The following ZNF726 variants were observed in gnomAD, a reference collection of about 807,000 sequenced individuals.
The protein encoded by ZNF726 is zinc finger protein 726.
In ZNF726, 15 loss-of-function variants were observed where a neutral mutation model predicts 11.6. That is an observed-to-expected ratio of 1.29 (90% CI 0.86 to 1.99). The LOEUF is 1.99. Ranked by LOEUF, ZNF726 falls within the 30% of genes most tolerant of loss-of-function variation. The probability of loss-of-function intolerance (pLI) is 0.00; values close to 1 mark genes in which losing one functional copy is unlikely to be tolerated. For missense variants in ZNF726, 890 were observed against 725.6 expected (o/e 1.23, Z -2.60); for synonymous variants, 295 against 243.6 (o/e 1.21, Z -1.96).
intron 3 of ZNF726, among the ~76,000 whole-genome samples, chr19:23,931,943 A>G (rs1283514553): frequency 6.6e-6 from 1 of 152,184 alleles, no homozygotes; most frequent in Admixed American, 6.5e-5. Context: ...AAAGCCCCTA[A>G]AAGCCAGAAA....
At chr19:23,942,850 T>A (rs1968360312) in intron 3 of ZNF726, among the ~76,000 whole-genome samples, 1 of 152,222 alleles carries the variant, frequency 6.6e-6, no homozygotes, top group Admixed American at 6.5e-5. Flanking sequence ...GTCCTTATGT[T>A]AAGTGAGTCT....
rs1413941335 is a variant in ZNF726 at position 23,926,408 on chromosome 19, AG to A, written c.227-5934del. Among the ~76,000 whole-genome samples the A allele has an allele frequency of 3.9e-5, 6 of 152,012 alleles. No homozygotes were observed. In the East Asian group the frequency reaches 1.2e-3, roughly 30 times the overall value. On this transcript the variant is annotated intron_variant, in intron 3 of 3. Coordinates refer to ENST00000594466, the MANE Select transcript of ZNF726 (RefSeq NM_001244038.2). ...TCTCTACTAAAAATACAAAAAAATT[AG>A]CTGAGCGTGATGGCGTGCATGTTAA... is the stretch of plus-strand genomic sequence containing the variant.
intron 3 of ZNF726, among the ~76,000 whole-genome samples, chr19:23,922,610 A>G (rs1967880464): frequency 6.6e-6 from 1 of 152,224 alleles, no homozygotes; most frequent in Non-Finnish European, 1.5e-5. Flanking sequence ...AACAGTGGTC[A>G]TGTAGTTTGC....
chr19:23,927,552 C>T lies in ZNF726; in HGVS notation c.227-4791C>T, dbSNP rs942306463. ...TGTCACCCAGGCTGGAGTGTACTGG[C>T]ATGATTTTGGCTCACTGCAGCCTCA... On this transcript the variant is annotated intron_variant, in intron 3 of 3. Transcript: ENST00000594466. Among the ~76,000 whole-genome samples, 4 of 152,240 alleles carry T rather than the reference C, an allele frequency of 2.6e-5. No homozygotes were observed. In the South Asian group the frequency reaches 6.2e-4, roughly 24 times the overall value.
chr19:23,935,514 T>G (rs186651669), downstream of ZNF726: 1 of 410,336 alleles, frequency 2.4e-6, no homozygotes, highest in Non-Finnish European at 4.8e-6. Context: ...TTAACAGATA[T>G]AAGATTATTC....
chr19:23,936,167 G>A (rs1173616559), downstream of ZNF726: 5 of 152,120 alleles, frequency 3.3e-5, no homozygotes, highest in African/African-American at 1.2e-4. Context: ...TATTTTTGCA[G>A]ATGCATTAAA....
chr19:23,917,316 C>T (rs771379751), intron 1 of ZNF726, among the ~76,000 whole-genome samples: 8 of 152,258 alleles, frequency 5.3e-5, no homozygotes, highest in Middle Eastern at 3.4e-3. Flanking sequence ...GAAATATTTA[C>T]AAAGGCCATA....
chr19:23,940,142 G>T (rs904156902), intron 3 of ZNF726, among the ~76,000 whole-genome samples: 1 of 152,034 alleles, frequency 6.6e-6, no homozygotes, highest in Non-Finnish European at 1.5e-5. Flanking sequence ...AATTTTTATA[G>T]TTTCAGGTCT....
At position 23,933,406 on chromosome 19, in the gene ZNF726, C is replaced by T. The variant is rs756960459; in HGVS notation, c.1290C>T (p.Cys430=). 170 of 1,601,786 alleles carry T rather than the reference C, an allele frequency of 1.1e-4. 1 individual carries two copies. The Admixed American group carries it at 1.7e-3, about 16-fold the overall frequency. ...AGAAACCTTACAAGTGTGAAGAATG[C>T]GGCAAAGCGTTTATATGGTCCTCAA... ...TGEKPYKCEE[C]GKAFIWSSNL... Residue 430 remains cysteine, a synonymous_variant, in exon 4 of 4, where the codon TGC becomes TGT. Coordinates refer to ENST00000594466, the MANE Select transcript of ZNF726 (RefSeq NM_001244038.2).
At chr19:23,928,316 T>C (rs1275876398) in intron 3 of ZNF726, 1 of 152,250 alleles carries the variant, frequency 6.6e-6, no homozygotes, top group African/African-American at 2.4e-5. Flanking sequence ...AAATAATTGA[T>C]ACAGTCTATA....
At chr19:23,927,148 G>A (rs1261426199) in intron 3 of ZNF726, among the ~76,000 whole-genome samples, 1 of 151,800 alleles carries the variant, frequency 6.6e-6, no homozygotes, top group East Asian at 1.9e-4. Context: ...TGTATTTTTA[G>A]TAGAGACGGG....
chr19:23,925,731 T>C (rs978891336), intron 3 of ZNF726, among the ~76,000 whole-genome samples: 1 of 148,956 alleles, frequency 6.7e-6, no homozygotes, highest in African/African-American at 2.5e-5. Flanking sequence ...TTTTTTTTTT[T>C]TGGGAGATGA....
chr19:23,943,858 T>C lies in ZNF726; in HGVS notation c.322+269T>C, dbSNP rs1011938102. 1.4e-4 allele frequency: 36 copies of C among 266,644 alleles called. 1 individual carries two copies. Among genetic ancestry groups the C allele is most frequent in the African/African-American group, 7.9e-4 (36 of 45,756 alleles). The allele number at this position is 266,644 out of a possible 1,614,324, so 16.5% of individuals were successfully genotyped here. The stretch of plus-strand genomic sequence containing the variant: ...TTATGGCTTATAAGGTACTGCATGA[T>C]ATACCTGCTCTTCCATTGCTTCGGG... On this transcript the variant is annotated intron_variant, in intron 4 of 4. Transcript: ENST00000334589.
intron 3 of ZNF726, 92 bp downstream of exon 3, chr19:23,920,174 C>A: frequency 3.5e-6 from 3 of 853,930 alleles, no homozygotes; most frequent in South Asian, 1.5e-5. Context: ...AAGCTGCATT[C>A]CAAAGGAAAC....
chr19:23,919,210 C>A, intron 1 of ZNF726, 163 bp from the exon 2 acceptor site: 1 of 1,098,060 alleles, frequency 9.1e-7, no homozygotes, highest in Non-Finnish European at 1.3e-6. Flanking sequence ...TTAGAGAATA[C>A]ATTAGAAAAT....
Position 23,932,603 on chromosome 19 carries a change from T to C in ZNF726, c.487T>C (p.Tyr163His). The change falls in exon 4 of 4, where the codon TAT becomes CAT. Residue 163 changes from tyrosine to histidine, a missense_variant. By Grantham distance (83) the Tyr-to-His change is moderately conservative (BLOSUM62 2). Coordinates refer to ENST00000594466, the MANE Select transcript of ZNF726 (RefSeq NM_001244038.2). ...TTATAAATTTATAAATTTAAACAGATATAAGATAAGACATACTAGAAAGAA... is the reference window on the plus strand; with the variant it reads ...TTATAAATTTATAAATTTAAACAGACATAAGATAAGACATACTAGAAAGAA... ...VFYKFINLNR[Y>H]KIRHTRKKPF... The C allele has an allele frequency of 6.5e-7, 1 of 1,544,024 alleles. No homozygotes were observed. The highest frequency in any genetic ancestry group is 8.7e-7 in the Non-Finnish European group (1 of 1,146,006).
intron 3 of ZNF726, among the ~76,000 whole-genome samples, chr19:23,926,781 C>T (rs1325896043): frequency 1.3e-5 from 2 of 151,952 alleles, no homozygotes; most frequent in African/African-American, 4.8e-5. Flanking sequence ...TTTCTGGGCT[C>T]TCTATTCTGT....
chr19:23,929,607 T>C (rs1334967021), intron 3 of ZNF726, among the ~76,000 whole-genome samples: 1 of 152,172 alleles, frequency 6.6e-6, no homozygotes, highest in Non-Finnish European at 1.5e-5. Context: ...AAGATGAGTC[T>C]TGGGTTGGGA....
At chr19:23,935,359 A>G, downstream of ZNF726, 1 of 528,682 alleles carries the variant, frequency 1.9e-6, no homozygotes, top group Non-Finnish European at 3.8e-6. Context: ...AAGAAAATTC[A>G]TGCTGGACAG....
Sources: allele counts gnomAD v4.1 joint callset (sites outside exome capture counted in the v4.1 genomes callset), GRCh38; gene constraint gnomAD v4.1.1; transcripts MANE v1.5; gene names NCBI Gene and HGNC (gene_info 2026-07-23, HGNC 2026-07-21).